Variants in SLC44A5 observed in about 807,000 individuals in gnomAD.
The protein encoded by SLC44A5 is solute carrier family 44 member 5.
A neutral mutation model predicts 101.8 loss-of-function variants in SLC44A5; 57 were observed. The observed-to-expected ratio is 0.56, with a 90% CI of 0.45 to 0.70. The LOEUF (loss-of-function observed/expected upper bound fraction) is 0.70, where lower values mean the gene tolerates loss of function less well. Ranked by LOEUF, SLC44A5 falls within the 30% of genes least tolerant of loss-of-function variation. The pLI is 0.00. For missense variants in SLC44A5, 737 were observed against 853.1 expected, an observed-to-expected ratio of 0.86 and a Z score of 1.70; for synonymous variants, 281 against 290.9, an observed-to-expected ratio of 0.97 and a Z score of 0.35.
At chr1:75,414,188 CT>C (rs1379910768) in intron 2 of SLC44A5, among the ~76,000 whole-genome samples, 1 of 151,848 alleles carries the variant, frequency 6.6e-6, no homozygotes, top group African/African-American at 2.4e-5. Flanking sequence ...TTGATCTCCA[CT>C]ACTCCTTCCT....
intron 3 of SLC44A5, among the ~76,000 whole-genome samples, chr1:75,341,229 G>T (rs530888800): frequency 5.9e-5 from 9 of 152,176 alleles, no homozygotes; most frequent in Non-Finnish European, 8.8e-5. Flanking sequence ...GCCGGACATG[G>T]GTGGCTCACA....
Position 75,326,095 on chromosome 1 carries a change from CGTGTGTGTGTGT to C in SLC44A5, c.101+13475_101+13486del, listed in dbSNP as rs58294702. Among the ~76,000 whole-genome samples, 18 of 140,366 alleles carry C rather than the reference CGTGTGTGTGTGT, an allele frequency of 1.3e-4. No individual in the cohort carries two copies. In the South Asian group the frequency reaches 2.6e-3, roughly 20 times the overall value. The allele number at this position is 140,366 out of a possible 152,430, so 92.1% of individuals were successfully genotyped here. On this transcript the variant is annotated intron_variant, in intron 4 of 23. Transcript: ENST00000370859. ...CAGATAGTGATGTGCTCTCTCTCTC[CGTGTGTGTGTGT>C]GTGTGTGTGTGTGTGTGTATAATAT...
chr1:75,415,237 T>G (rs1448522157), intron 2 of SLC44A5, among the ~76,000 whole-genome samples: 3 of 152,162 alleles, frequency 2.0e-5, no homozygotes, highest in Non-Finnish European at 4.4e-5. Context: ...AGGGACCTGG[T>G]GGGAGATGAC....
chr1:75,409,271 G>C (rs918273747), intron 2 of SLC44A5, among the ~76,000 whole-genome samples: 2 of 152,176 alleles, frequency 1.3e-5, no homozygotes, highest in African/African-American at 4.8e-5. Context: ...CTATTGTTTA[G>C]TACCCTGAAT....
At chr1:75,560,942 C>T (rs1672484569) in intron 1 of SLC44A5, among the ~76,000 whole-genome samples, 1 of 152,206 alleles carries the variant, frequency 6.6e-6, no homozygotes, top group African/African-American at 2.4e-5. Flanking sequence ...GTACCTCATC[C>T]TATTTAGCTA....
At chr1:75,619,214 AG>A in the SLC44A5 span, among the ~76,000 whole-genome samples, 1 of 149,556 alleles carries the variant, frequency 6.7e-6, no homozygotes, top group African/African-American at 2.5e-5. Flanking sequence ...GAAGGAAGAA[AG>A]GGACGGAGAG....
At chr1:75,221,957 CT>C in intron 14 of SLC44A5, among the ~76,000 whole-genome samples, 1 of 126,862 alleles carries the variant, frequency 7.9e-6, no homozygotes, top group African/African-American at 3.6e-5. Flanking sequence ...AAGTCTTCTT[CT>C]TCTTTTTTTT....
the SLC44A5 span, among the ~76,000 whole-genome samples, chr1:75,718,686 G>A: frequency 2.6e-5 from 4 of 152,286 alleles, no homozygotes; most frequent in South Asian, 2.1e-4. Context: ...TGGAACTGGT[G>A]AGGAGTTGCT....
intron 12 of SLC44A5, among the ~76,000 whole-genome samples, chr1:75,230,228 C>T (rs1647422110): frequency 6.7e-6 from 1 of 150,186 alleles, no homozygotes; most frequent in African/African-American, 2.4e-5. Flanking sequence ...AAATGATACT[C>T]CATGTCCATG....
chr1:75,204,355 AT>A (rs1262585918), intron 23 of SLC44A5: 1 of 152,134 alleles, frequency 6.6e-6, no homozygotes, highest in Admixed American at 6.6e-5. Flanking sequence ...AACAATGCTC[AT>A]TTTTATTCTA....
intron 1 of SLC44A5, among the ~76,000 whole-genome samples, chr1:75,596,446 C>T (rs1056773388): frequency 6.6e-6 from 1 of 152,126 alleles, no homozygotes; most frequent in African/African-American, 2.4e-5. Context: ...CTCTCTAACT[C>T]ATTTTATGAG....
intron 1 of SLC44A5, among the ~76,000 whole-genome samples, chr1:75,590,081 A>G (rs1267581692): frequency 6.6e-6 from 1 of 151,990 alleles, no homozygotes; most frequent in Non-Finnish European, 1.5e-5. Context: ...GTACTGAGAC[A>G]CCAGCTGGGG....
the SLC44A5 span, among the ~76,000 whole-genome samples, chr1:75,650,063 T>C: frequency 2.0e-5 from 3 of 152,276 alleles, no homozygotes; most frequent in Non-Finnish European, 2.9e-5. Flanking sequence ...TCTCTCTCTC[T>C]CATTATTATT....
intron 2 of SLC44A5, among the ~76,000 whole-genome samples, chr1:75,522,764 G>T (rs1336623927): frequency 6.6e-6 from 1 of 152,176 alleles, no homozygotes; most frequent in Non-Finnish European, 1.5e-5. Flanking sequence ...AAATGAGAGG[G>T]ACCAACATTT....
At chr1:75,708,128 C>T in the SLC44A5 span, among the ~76,000 whole-genome samples, 1 of 151,648 alleles carries the variant, frequency 6.6e-6, no homozygotes, top group African/African-American at 2.4e-5. Flanking sequence ...AATGTTTATT[C>T]TCAGCTGGGT....
At chr1:75,636,373 A>G in the SLC44A5 span, among the ~76,000 whole-genome samples, 1 of 152,102 alleles carries the variant, frequency 6.6e-6, no homozygotes, top group Non-Finnish European at 1.5e-5. Context: ...AGATTTCCCA[A>G]AGTAATATTT....
At chr1:75,223,903 GT>G (rs967842334) in intron 13 of SLC44A5, among the ~76,000 whole-genome samples, 2 of 152,192 alleles carry the variant, frequency 1.3e-5, no homozygotes, top group African/African-American at 4.8e-5. Context: ...TGCTAAAATT[GT>G]TATCTTCTTT....
chr1:75,213,876 CT>C (rs1264034450), intron 21 of SLC44A5, 42 bp downstream of exon 21: 24 of 1,509,466 alleles, frequency 1.6e-5, no homozygotes, highest in Non-Finnish European at 2.1e-5. Flanking sequence ...TTCCAAGCAT[CT>C]TTTAAACTTT....
chr1:75,273,120 G>A (rs1229509683), intron 6 of SLC44A5, among the ~76,000 whole-genome samples: 3 of 151,986 alleles, frequency 2.0e-5, no homozygotes, highest in Non-Finnish European at 2.9e-5. Context: ...GTGTTCCTAG[G>A]TATTTTATTT....
Sources: allele counts gnomAD v4.1 joint callset (sites outside exome capture counted in the v4.1 genomes callset), GRCh38; gene constraint gnomAD v4.1.1; transcripts MANE v1.5; gene names NCBI Gene and HGNC (gene_info 2026-07-23, HGNC 2026-07-21).